PIGG: variants seen among roughly 807,000 people sequenced by gnomAD.
PIGG encodes GPI ethanolamine phosphate transferase 2, catalytic subunit.
A neutral mutation model predicts 83.2 loss-of-function variants in PIGG; 70 were observed. The observed-to-expected ratio is 0.84, with a 90% CI of 0.69 to 1.03. PIGG has a LOEUF of 1.03. Ranked by LOEUF, PIGG falls within the 50% of genes least tolerant of loss-of-function variation. The pLI, the probability that PIGG is intolerant of heterozygous loss-of-function variation, is 0.00. For missense variants in PIGG, 1,257 were observed against 1,233.6 expected, an observed-to-expected ratio of 1.02 and a Z score of -0.28; for synonymous variants, 532 against 519.5, an observed-to-expected ratio of 1.02 and a Z score of -0.33.
chr4:507,422 G>A lies in PIGG; in HGVS notation c.588G>A (p.Thr196=), dbSNP rs149455987. 191 of 1,611,666 alleles carry A rather than the reference G, an allele frequency of 1.2e-4. No individual in the cohort carries two copies. Among genetic ancestry groups the A allele is most frequent in the Middle Eastern group, 1.7e-4 (1 of 6,048 alleles). Residue 196 remains threonine (T), a synonymous_variant, in exon 4 of 13, where the codon ACG becomes ACA. Coordinates refer to ENST00000453061, the MANE Select transcript of PIGG (RefSeq NM_001127178.3). ...CTTCAAAGGTGGATAATAATGTCAC[G>A]AGGCATTTGGATAAAGTATTAAAAA... The part of the protein sequence containing the change: ...SDYTEVDNNV[T]RHLDKVLKRG...
At chr4:532,929 A>AGGAGTGGAAGGGTGTGGTCTT (rs141745685) in intron 11 of PIGG, 22,051 of 143,174 alleles carry the variant, frequency 0.15, 2,209 homozygotes, top group African/African-American at 0.27. Flanking sequence ...GGTGGGGCCT[A>AGGAGTGGAAGGGTGTGGTCTT]GGAGTGGAAG....
rs1454223437 is a variant in PIGG, at chr4:530,139, G to A, written c.2262-297G>A. ...GGGCCACGAGGGCACCGCTTGGGTC[G>A]TGCCACCAGATGAGCCAAATGAGCA... On this transcript the variant is annotated intron_variant, in intron 10 of 12. Transcript: ENST00000453061. Among the ~76,000 whole-genome samples the A allele has an allele frequency of 8.5e-5, 13 of 152,190 alleles. No individual in the cohort carries two copies. In the South Asian group the frequency reaches 2.7e-3, roughly 32 times the overall value.
At chr4:521,027 C>G (rs147553759) in intron 6 of PIGG, 29 bp from the exon 7 acceptor site, 1 of 1,469,624 alleles carries the variant, frequency 6.8e-7, no homozygotes, top group East Asian at 2.3e-5. Context: ...TGTGTGTGCG[C>G]GCCTGTAACC....
intron 6 of PIGG, among the ~76,000 whole-genome samples, chr4:516,840 G>A (rs112669331): frequency 0.022 from 2,634 of 120,708 alleles, 46 homozygotes; most frequent in South Asian, 0.053. Context: ...TGGCAACAGA[G>A]CAAGACTCTG....
chr4:527,660 A>G (rs1336246221), intron 10 of PIGG: 4 of 989,218 alleles, frequency 4.0e-6, no homozygotes, highest in African/African-American at 1.7e-5. Flanking sequence ...GCAGCTGGGA[A>G]ATGAAGCTTG....
chr4:525,270 G>A (rs961983208), intron 9 of PIGG: 1 of 985,146 alleles, frequency 1.0e-6, no homozygotes. Context: ...AGCAAGGCTC[G>A]AAATAAGTAG....
chr4:527,032 A>G lies in PIGG; in HGVS notation c.2070-7A>G. 1 of 1,613,906 alleles carries G rather than the reference A, an allele frequency of 6.2e-7. No individual in the cohort carries two copies. The highest frequency in any genetic ancestry group is 8.5e-7 in the Non-Finnish European group (1 of 1,179,960). ...ACGTAATGCTGGCATTTTCCATCTC[A>G]TTTCAGCTCTGACCACAAAGCCGAG... On this transcript the variant is annotated splice_polypyrimidine_tract_variant and splice_region_variant and intron_variant, in intron 9 of 12. Coordinates refer to ENST00000453061, the MANE Select transcript of PIGG (RefSeq NM_001127178.3).
In PIGG at chr4:499,968, C is replaced by G. The variant is rs1166275340; in HGVS notation, c.155-428C>G. ...TAGGCCTCTTCCTAGGCTTCACCTA[C>G]CCAGCCATATACAGCAAGTAAAGGC... On this transcript the variant is annotated intron_variant, in intron 1 of 12. Coordinates refer to ENST00000453061, the MANE Select transcript of PIGG (RefSeq NM_001127178.3). 4.0e-5 allele frequency: 9 copies of G among 222,696 alleles called. No individual in the cohort carries two copies. In the East Asian group the frequency reaches 1.1e-3, roughly 26 times the overall value. 13.8% of individuals were successfully genotyped at this position (222,696 alleles called of 1,614,324 possible). A position where few individuals can be genotyped will look rare whatever the true frequency, so the allele number is the denominator to read the frequency against.
intron 10 of PIGG, among the ~76,000 whole-genome samples, chr4:530,032 C>T (rs1220232040): frequency 6.6e-6 from 1 of 152,184 alleles, no homozygotes; most frequent in Non-Finnish European, 1.5e-5. Flanking sequence ...GTGCAATGAA[C>T]ATTTATGAAC....
At chr4:538,157 T>G (rs80249794) in intron 12 of PIGG, among the ~76,000 whole-genome samples, 10,528 of 139,602 alleles carry the variant, frequency 0.075, 554 homozygotes, top group East Asian at 0.18. Context: ...GGACTGAGGA[T>G]CTGGGGGCTG....
At chr4:499,765 C>G (rs1265036585) in intron 1 of PIGG, 2 of 1,298,872 alleles carry the variant, frequency 1.5e-6, no homozygotes, top group Non-Finnish European at 2.0e-6. Context: ...CTCTCCACTT[C>G]TACTCGTCCA....
chr4:501,062 G>T (rs782549229), intron 2 of PIGG: 1 of 453,694 alleles, frequency 2.2e-6, no homozygotes, highest in Non-Finnish European at 4.4e-6. Context: ...AGTATGTTCC[G>T]GCCTCAACAA....
chr4:510,542 C>T (rs1721556744), intron 5 of PIGG, among the ~76,000 whole-genome samples: 2 of 152,212 alleles, frequency 1.3e-5, no homozygotes, highest in Non-Finnish European at 2.9e-5. Flanking sequence ...TTTTGGGAGG[C>T]TTGTTCCCAA....
At chr4:505,559 G>T (rs1260859419) in intron 2 of PIGG, among the ~76,000 whole-genome samples, 159 bp from the exon 3 acceptor site, 5 of 150,378 alleles carry the variant, frequency 3.3e-5, no homozygotes, top group African/African-American at 1.2e-4. Context: ...CTTGGGCCCA[G>T]GAGTTCAAAG....
intron 5 of PIGG, among the ~76,000 whole-genome samples, chr4:514,101 C>T (rs1414906029): frequency 2.0e-5 from 3 of 152,296 alleles, no homozygotes; most frequent in South Asian, 2.1e-4. Flanking sequence ...GGATGTAGAA[C>T]GGTAGTCACA....
intron 10 of PIGG, chr4:527,431 CGTT>C: frequency 7.6e-7 from 1 of 1,322,384 alleles, no homozygotes; most frequent in Non-Finnish European, 9.6e-7. Context: ...CAACCAGCTG[CGTT>C]GTTAGCACTT....
chr4:529,883 C>A (rs1310092440), intron 10 of PIGG, among the ~76,000 whole-genome samples: 2 of 152,230 alleles, frequency 1.3e-5, no homozygotes, highest in African/African-American at 4.8e-5. Context: ...CAGAGCTCTG[C>A]CTTTTCTCAG....
intron 11 of PIGG, chr4:532,774 G>A: frequency 6.6e-6 from 1 of 152,420 alleles, no homozygotes; most frequent in East Asian, 1.9e-4. Context: ...GAGCTTGATA[G>A]AGACATGTGC....
In PIGG at chr4:523,764, C is replaced by T. The variant is rs1286318367; in HGVS notation, c.1920C>T (p.Pro640=). ...VLERDKGHGS[P]STSEVLRGRE... is the part of the protein sequence containing the mutation. The stretch of plus-strand genomic sequence containing the variant: ...AGCGAGACAAAGGCCACGGAAGCCC[C>T]TCTACCTCCGAAGTGCTCAGAGGCC... The change falls in exon 9 of 13, where the codon CCC becomes CCT. Residue 640 remains proline (P), a synonymous_variant. Transcript: ENST00000453061. The T allele has an allele frequency of 1.9e-6, 3 of 1,613,916 alleles. No homozygotes were observed. The Admixed American group carries it at 5.0e-5, about 27-fold the overall frequency.
Sources: gnomAD v4.1 joint callset for allele counts (sites outside exome capture counted in the v4.1 genomes callset) on GRCh38, gnomAD v4.1.1 for gene constraint, MANE v1.5 for transcripts, NCBI Gene and HGNC (gene_info 2026-07-23, HGNC 2026-07-21) for gene names.